The following GLP2R variants were observed in gnomAD, a reference collection of about 807,000 sequenced individuals.
GLP2R encodes glucagon-like peptide 2 receptor.
Under a neutral mutation model 68.2 loss-of-function variants are expected in GLP2R, and 59 were observed. The ratio of observed to expected loss-of-function variants is 0.87; its 90% CI spans 0.70 to 1.07. GLP2R has a LOEUF of 1.07. Among genes scored for constraint, GLP2R ranks in the 50% least tolerant of loss-of-function variants. GLP2R has a pLI of 0.00. For synonymous variants in GLP2R, 270 were observed against 265.4 expected, an observed-to-expected ratio of 1.02 and a Z score of -0.17; for missense variants, 548 against 677.4, an observed-to-expected ratio of 0.81 and a Z score of 2.12.
chr17:9,876,107 C>G (rs1214100381), intron 10 of GLP2R, among the ~76,000 whole-genome samples: 2 of 152,294 alleles, frequency 1.3e-5, no homozygotes, highest in Non-Finnish European at 2.9e-5. Flanking sequence ...CAACTCCCAA[C>G]CTCGGGTGAT....
At chr17:9,837,690 C>T (rs2066745622) in intron 3 of GLP2R, among the ~76,000 whole-genome samples, 1 of 152,052 alleles carries the variant, frequency 6.6e-6, no homozygotes, top group South Asian at 2.1e-4. Context: ...TCCCTACCAG[C>T]CCCAGAAGCC....
intron 1 of GLP2R, among the ~76,000 whole-genome samples, chr17:9,827,113 C>A (rs2066639336): frequency 6.6e-6 from 1 of 152,266 alleles, no homozygotes; most frequent in African/African-American, 2.4e-5. Context: ...AAGTGATCTA[C>A]CCGCCTCGGC....
intron 7 of GLP2R, 58 bp from the exon 8 acceptor site, chr17:9,861,081 A>T: frequency 8.3e-7 from 1 of 1,200,946 alleles, no homozygotes; most frequent in Non-Finnish European, 1.2e-6. Flanking sequence ...CTGTGGTGGG[A>T]GGCAAGCAGG....
chr17:9,847,254 T>C (rs997473265), intron 4 of GLP2R, among the ~76,000 whole-genome samples: 3 of 151,642 alleles, frequency 2.0e-5, no homozygotes, highest in African/African-American at 7.2e-5. Flanking sequence ...TCATTGTAAA[T>C]TTACATCATT....
intron 9 of GLP2R, among the ~76,000 whole-genome samples, chr17:9,865,026 G>A (rs978107603): frequency 2.6e-5 from 4 of 152,082 alleles, no homozygotes; most frequent in African/African-American, 9.7e-5. Flanking sequence ...TCCAGTCATG[G>A]TCAGCTCTAC....
chr17:9,861,898 G>C, intron 8 of GLP2R, 123 bp from the exon 9 acceptor site: 1 of 745,178 alleles, frequency 1.3e-6, no homozygotes, highest in South Asian at 1.5e-5. Context: ...CCCCTCAGGG[G>C]ACTGATTGGT....
chr17:9,885,399 C>T (rs1345774511), intron 11 of GLP2R, among the ~76,000 whole-genome samples: 1 of 151,926 alleles, frequency 6.6e-6, no homozygotes. Flanking sequence ...GCTGCTTGGG[C>T]TCAGGGTAGA....
intron 4 of GLP2R, among the ~76,000 whole-genome samples, chr17:9,845,901 C>G (rs1236681823): frequency 6.6e-6 from 1 of 152,004 alleles, no homozygotes; most frequent in Non-Finnish European, 1.5e-5. Context: ...TCGTAGAGGT[C>G]TCTGATTAAT....
intron 10 of GLP2R, among the ~76,000 whole-genome samples, chr17:9,877,165 A>G (rs1419040551): frequency 1.3e-5 from 2 of 152,252 alleles, no homozygotes; most frequent in African/African-American, 4.8e-5. Context: ...CTCATGTGCC[A>G]TAAGCAGATG....
intron 11 of GLP2R, among the ~76,000 whole-genome samples, chr17:9,882,926 C>G (rs1462049094): frequency 6.8e-6 from 1 of 147,794 alleles, no homozygotes; most frequent in African/African-American, 2.6e-5. Context: ...TTATCTAAAA[C>G]TTCCAGTTTT....
At chr17:9,847,527 C>G (rs1287042080) in intron 4 of GLP2R, among the ~76,000 whole-genome samples, 1 of 152,162 alleles carries the variant, frequency 6.6e-6, no homozygotes, top group East Asian at 1.9e-4. Flanking sequence ...CTCAGCCTCC[C>G]AAAGTGCTGG....
At chr17:9,852,101 C>T (rs184360442) in intron 4 of GLP2R, among the ~76,000 whole-genome samples, 68 of 148,504 alleles carry the variant, frequency 4.6e-4, no homozygotes, top group African/African-American at 1.5e-3. Flanking sequence ...ATGTGCAGAA[C>T]GGGCAGGTTT....
intron 1 of GLP2R, among the ~76,000 whole-genome samples, chr17:9,831,518 T>C (rs2066679520): frequency 6.6e-6 from 1 of 152,006 alleles, no homozygotes; most frequent in Non-Finnish European, 1.5e-5. Context: ...GATGAGTGGT[T>C]AAGTGTGGCC....
chr17:9,833,705 G>A (rs2066701641), intron 1 of GLP2R, 102 bp from the exon 2 acceptor site: 3 of 700,406 alleles, frequency 4.3e-6, no homozygotes, highest in South Asian at 1.8e-5. Context: ...GTGGGCCATT[G>A]TGGGCACTTC....
chr17:9,853,513 G>GAGTT (rs1256996498), intron 4 of GLP2R, among the ~76,000 whole-genome samples: 2 of 152,168 alleles, frequency 1.3e-5, no homozygotes, highest in Non-Finnish European at 2.9e-5. Flanking sequence ...GAGAGGTCAG[G>GAGTT]AGTTATATTA....
intron 10 of GLP2R, among the ~76,000 whole-genome samples, chr17:9,878,707 G>C (rs987193710): frequency 6.6e-6 from 1 of 152,130 alleles, no homozygotes; most frequent in Non-Finnish European, 1.5e-5. Context: ...TAGATCCTTT[G>C]GGGGCACAAA....
intron 3 of GLP2R, among the ~76,000 whole-genome samples, chr17:9,837,144 G>A: frequency 6.6e-6 from 1 of 152,062 alleles, no homozygotes; most frequent in Non-Finnish European, 1.5e-5. Flanking sequence ...CGTGAGCACT[G>A]CGCCTGGCCG....
At chr17:9,854,887 G>C (rs1333091662) in intron 5 of GLP2R, among the ~76,000 whole-genome samples, 12 of 152,114 alleles carry the variant, frequency 7.9e-5, no homozygotes, top group Non-Finnish European at 1.8e-4. Flanking sequence ...ACTATAATAA[G>C]AGTTATGTGA....
intron 3 of GLP2R, 91 bp downstream of exon 3, chr17:9,836,566 T>C: frequency 1.4e-6 from 1 of 719,122 alleles, no homozygotes; most frequent in Middle Eastern, 2.4e-4. Flanking sequence ...AAGCTCTCAG[T>C]AATACATCTT....
Sources: gnomAD v4.1 joint callset for allele counts (sites outside exome capture counted in the v4.1 genomes callset) on GRCh38, gnomAD v4.1.1 for gene constraint, MANE v1.5 for transcripts, NCBI Gene and HGNC (gene_info 2026-07-23, HGNC 2026-07-21) for gene names.